GPR141: variants seen among roughly 807,000 people sequenced by gnomAD.
The protein encoded by GPR141 is G protein-coupled receptor 141.
A neutral mutation model predicts 6.8 loss-of-function variants in GPR141; 6 were observed. The ratio of observed to expected loss-of-function variants is 0.88; its 90% CI spans 0.48 to 1.74. GPR141 has a LOEUF of 1.74. Among genes scored for constraint, GPR141 ranks in the 40% most tolerant of loss-of-function variants. GPR141 has a pLI of 0.01. For missense variants in GPR141, 372 were observed against 372.9 expected, an observed-to-expected ratio of 1.00 and a Z score of 0.02; for synonymous variants, 140 against 142.3, an observed-to-expected ratio of 0.98 and a Z score of 0.11.
chr7:37,691,815 C>T (rs967318875), intron 2 of GPR141, among the ~76,000 whole-genome samples: 88 of 151,690 alleles, frequency 5.8e-4, no homozygotes, highest in African/African-American at 1.5e-3. Context: ...TTTTTTCCCC[C>T]CCTTTAACAC....
chr7:37,716,498 A>G (rs1388940383), intron 2 of GPR141, among the ~76,000 whole-genome samples: 1 of 152,172 alleles, frequency 6.6e-6, no homozygotes, highest in Admixed American at 6.5e-5. Context: ...TTGTTAGGGA[A>G]TAAGATAGAC....
chr7:37,685,998 T>G (rs1809493471), intron 2 of GPR141, among the ~76,000 whole-genome samples: 1 of 152,004 alleles, frequency 6.6e-6, no homozygotes, highest in African/African-American at 2.4e-5. Flanking sequence ...TTAAATAATA[T>G]GTTAAAAAAT....
intron 2 of GPR141, among the ~76,000 whole-genome samples, chr7:37,687,670 GA>G (rs1209398701): frequency 1.3e-5 from 2 of 152,070 alleles, no homozygotes; most frequent in African/African-American, 4.8e-5. Flanking sequence ...GATGTGGCAG[GA>G]AGCTTAGTCC....
At position 37,740,619 on chromosome 7, in the gene GPR141, C is replaced by T; in HGVS notation, c.226C>T (p.Leu76Phe). 6.2e-7 allele frequency: 1 copy of T among 1,614,070 alleles called. No individual in the cohort carries two copies. Among genetic ancestry groups the T allele is most frequent in the Non-Finnish European group, 8.5e-7 (1 of 1,179,960 alleles). The stretch of plus-strand genomic sequence containing the variant: ...GACAGTGCCATTTCGCTTGACCTAC[C>T]TCATCAAGAAGACTTGGATGTTTGG... ...LLTVPFRLTYLIKKTWMFGLP... is the reference protein window; with the variant it reads ...LLTVPFRLTYFIKKTWMFGLP... The change falls in exon 3 of 3, where the codon CTC (leucine) becomes TTC (phenylalanine). Residue 76 changes from leucine to phenylalanine, a missense_variant. Leu to Phe is a conservative substitution (Grantham distance 22). Coordinates refer to ENST00000334425, the MANE Select transcript of GPR141 (RefSeq NM_001381946.1).
At chr7:37,728,960 A>G (rs1416073539) in intron 2 of GPR141, among the ~76,000 whole-genome samples, 2 of 152,158 alleles carry the variant, frequency 1.3e-5, no homozygotes, top group Non-Finnish European at 2.9e-5. Flanking sequence ...ATCATTGATG[A>G]TGCAATTTGG....
At chr7:37,708,992 C>T (rs772530339) in intron 2 of GPR141, among the ~76,000 whole-genome samples, 6 of 151,980 alleles carry the variant, frequency 3.9e-5, no homozygotes, top group East Asian at 3.8e-4. Context: ...TTAATTAAGC[C>T]GAGTAAAATT....
chr7:37,686,922 G>A (rs1446685213), intron 2 of GPR141, among the ~76,000 whole-genome samples: 2 of 152,152 alleles, frequency 1.3e-5, no homozygotes, highest in Non-Finnish European at 2.9e-5. Flanking sequence ...AGTGGAGAGT[G>A]AAATTTTGTT....
intron 2 of GPR141, among the ~76,000 whole-genome samples, chr7:37,710,135 C>T (rs1810720403): frequency 6.6e-6 from 1 of 152,144 alleles, no homozygotes; most frequent in South Asian, 2.1e-4. Flanking sequence ...AGTCATCTCA[C>T]TCTTCATAAT....
chr7:37,710,886 A>T (rs891253215), intron 2 of GPR141, among the ~76,000 whole-genome samples: 1 of 152,128 alleles, frequency 6.6e-6, no homozygotes, highest in African/African-American at 2.4e-5. Context: ...TTAGTTAAAT[A>T]CTCAGTGTGA....
intron 1 of GPR141, chr7:37,685,219 G>A (rs1809442886): frequency 6.6e-6 from 1 of 152,170 alleles, no homozygotes; most frequent in Non-Finnish European, 1.5e-5. Context: ...TTGTAGACTG[G>A]ATAAGAGATG....
chr7:37,726,122 C>T (rs550584407), intron 2 of GPR141, among the ~76,000 whole-genome samples: 2 of 152,280 alleles, frequency 1.3e-5, no homozygotes, highest in South Asian at 4.1e-4. Context: ...TGAACATGAG[C>T]ATTTTAGGTT....
chr7:37,692,173 T>A (rs1478256812), intron 2 of GPR141, among the ~76,000 whole-genome samples: 1 of 150,538 alleles, frequency 6.6e-6, no homozygotes, highest in Non-Finnish European at 1.5e-5. Context: ...CAGCCCCCAG[T>A]GTGTGATGTT....
intron 2 of GPR141, among the ~76,000 whole-genome samples, chr7:37,717,562 C>A (rs1424494456): frequency 6.6e-6 from 1 of 151,860 alleles, no homozygotes; most frequent in African/African-American, 2.4e-5. Flanking sequence ...ATTTTCTGCC[C>A]CCTCTTTCTT....
At chr7:37,718,263 A>C (rs924452230) in intron 2 of GPR141, among the ~76,000 whole-genome samples, 1 of 152,174 alleles carries the variant, frequency 6.6e-6, no homozygotes, top group Admixed American at 6.5e-5. Context: ...AGTTCCAGTG[A>C]TTTGAGAGGC....
At chr7:37,694,184 A>G (rs983110010) in intron 2 of GPR141, among the ~76,000 whole-genome samples, 3 of 152,246 alleles carry the variant, frequency 2.0e-5, no homozygotes, top group Non-Finnish European at 4.4e-5. Flanking sequence ...AACCTGTGTC[A>G]GGGCACAGTA....
At chr7:37,695,717 T>G (rs1180827305) in intron 2 of GPR141, among the ~76,000 whole-genome samples, 1 of 152,244 alleles carries the variant, frequency 6.6e-6, no homozygotes, top group Non-Finnish European at 1.5e-5. Flanking sequence ...TTGTTTTGTC[T>G]GTCTTTGTGG....
intron 2 of GPR141, among the ~76,000 whole-genome samples, chr7:37,694,844 A>G (rs1027180307): frequency 1.3e-5 from 2 of 152,150 alleles, no homozygotes; most frequent in Non-Finnish European, 2.9e-5. Context: ...CTGGATTCCA[A>G]CATTGTGGAT....
chr7:37,726,666 G>T (rs1811644530), intron 2 of GPR141, among the ~76,000 whole-genome samples: 1 of 152,088 alleles, frequency 6.6e-6, no homozygotes, highest in Admixed American at 6.6e-5. Context: ...TAAATAGAAA[G>T]CATGCTGCCT....
chr7:37,708,734 G>A (rs1810654397), intron 2 of GPR141, among the ~76,000 whole-genome samples: 1 of 152,068 alleles, frequency 6.6e-6, no homozygotes, highest in South Asian at 2.1e-4. Flanking sequence ...GTGTAGAAGA[G>A]CAATAAGGTA....
Sources: gnomAD v4.1 joint callset for allele counts (sites outside exome capture counted in the v4.1 genomes callset) on GRCh38, gnomAD v4.1.1 for gene constraint, MANE v1.5 for transcripts, NCBI Gene and HGNC (gene_info 2026-07-23, HGNC 2026-07-21) for gene names.